The following OPCML variants were observed in gnomAD, a reference collection of about 807,000 sequenced individuals.
OPCML encodes opioid binding protein/cell adhesion molecule like.
Under a neutral mutation model 37.8 loss-of-function variants are expected in OPCML, and 13 were observed. The ratio of observed to expected loss-of-function variants is 0.34; its 90% CI spans 0.22 to 0.55. OPCML has a LOEUF of 0.55. Among genes scored for constraint, OPCML ranks in the 20% least tolerant of loss-of-function variants. The probability of loss-of-function intolerance (pLI) is 0.91; values close to 1 mark genes in which losing one functional copy is unlikely to be tolerated. For missense variants in OPCML, 341 were observed against 435.6 expected (o/e 0.78, Z 1.93); for synonymous variants, 176 against 168.8 (o/e 1.04, Z -0.33).
intron 1 of OPCML, among the ~76,000 whole-genome samples, chr11:133,514,212 G>T (rs1948216026): frequency 6.6e-6 from 1 of 152,198 alleles, no homozygotes; most frequent in Non-Finnish European, 1.5e-5. Flanking sequence ...ATGCAATGAG[G>T]AACCAGTACA....
At chr11:132,552,701 GGTATCGTTTCCT>G (rs1161892791) in intron 3 of OPCML, among the ~76,000 whole-genome samples, 1 of 150,092 alleles carries the variant, frequency 6.7e-6, no homozygotes, top group Non-Finnish European at 1.5e-5. Flanking sequence ...ACCTGTTTTA[GGTATCGTTTCCT>G]GTCTAAAGCA....
At chr11:133,528,067 G>T (rs1404358832) in intron 1 of OPCML, among the ~76,000 whole-genome samples, 1 of 152,184 alleles carries the variant, frequency 6.6e-6, no homozygotes, top group Admixed American at 6.5e-5. Context: ...TGTGGCCAAG[G>T]GTGCTAAGAA....
chr11:133,381,043 A>G (rs1034958814), intron 1 of OPCML, among the ~76,000 whole-genome samples: 2 of 152,224 alleles, frequency 1.3e-5, no homozygotes, highest in African/African-American at 4.8e-5. Context: ...TGCTACACCC[A>G]GAGTGTGGAG....
intron 7 of OPCML, among the ~76,000 whole-genome samples, chr11:132,428,024 C>T (rs547198549): frequency 2.6e-5 from 4 of 152,292 alleles, no homozygotes; most frequent in Non-Finnish European, 4.4e-5. Context: ...AAATCATACA[C>T]GTTATCAGCA....
chr11:133,104,415 AAT>A (rs1446870023), intron 1 of OPCML, among the ~76,000 whole-genome samples: 2 of 152,184 alleles, frequency 1.3e-5, no homozygotes, highest in Non-Finnish European at 1.5e-5. Flanking sequence ...ACTTACCCTA[AAT>A]TCATAGGGAC....
intron 4 of OPCML, among the ~76,000 whole-genome samples, chr11:132,527,309 T>C (rs1172505491): frequency 6.6e-6 from 1 of 152,160 alleles, no homozygotes; most frequent in Non-Finnish European, 1.5e-5. Flanking sequence ...AAATGTGAAA[T>C]TGTTTCCTAT....
chr11:132,779,585 T>G (rs1431145445), intron 2 of OPCML, among the ~76,000 whole-genome samples: 10 of 150,552 alleles, frequency 6.6e-5, no homozygotes, highest in Non-Finnish European at 8.9e-5. Flanking sequence ...GAGAGAGAGA[T>G]AGGTAAAAGA....
chr11:133,472,702 A>G (rs952292309), intron 1 of OPCML, among the ~76,000 whole-genome samples: 3 of 151,950 alleles, frequency 2.0e-5, no homozygotes. Context: ...TTGTCTTCCT[A>G]CTGCAAGGAA....
intron 1 of OPCML, among the ~76,000 whole-genome samples, chr11:132,977,610 A>G (rs1434487559): frequency 6.6e-6 from 1 of 152,106 alleles, no homozygotes; most frequent in Non-Finnish European, 1.5e-5. Context: ...CTGGTCCTTG[A>G]ATTGTATAAA....
intron 4 of OPCML, among the ~76,000 whole-genome samples, chr11:132,442,787 A>AT (rs2096040721): frequency 6.6e-6 from 1 of 152,156 alleles, no homozygotes; most frequent in African/African-American, 2.4e-5. Context: ...GCCTGCTGCC[A>AT]TGTAAGATGT....
intron 1 of OPCML, among the ~76,000 whole-genome samples, chr11:133,189,681 A>G (rs562084929): frequency 8.6e-4 from 131 of 152,256 alleles, no homozygotes; most frequent in African/African-American, 3.1e-3. Flanking sequence ...TCCCTCCTAA[A>G]TCATTGTATC....
intron 4 of OPCML, 173 bp from the exon 5 acceptor site, chr11:132,437,532 G>A: frequency 2.1e-6 from 2 of 955,146 alleles, no homozygotes; most frequent in Non-Finnish European, 2.5e-6. Context: ...GGCAAAGGAA[G>A]AAAGAAATTC....
intron 1 of OPCML, among the ~76,000 whole-genome samples, chr11:133,097,416 A>C (rs192254833): frequency 1.3e-5 from 2 of 152,362 alleles, no homozygotes; most frequent in East Asian, 3.9e-4. Flanking sequence ...GATTTCTAGA[A>C]GAATGATCTA....
In OPCML at chr11:132,448,570, G is replaced by T. The variant is rs1171760939; in HGVS notation, c.506-11211C>A. Among the ~76,000 whole-genome samples, 6 of 152,202 alleles carry T rather than the reference G, an allele frequency of 3.9e-5. No individual in the cohort carries two copies. In the East Asian group the frequency reaches 7.7e-4, roughly 20 times the overall value. ...AGGGGTCCCTTTGAAAACTTAGCTGGCAAGGGCTCTCCTCATCTGCACCTT... is the reference window on the plus strand; with the variant it reads ...AGGGGTCCCTTTGAAAACTTAGCTGTCAAGGGCTCTCCTCATCTGCACCTT... On this transcript the variant is annotated intron_variant, in intron 4 of 7. Transcript: ENST00000524381.
intron 1 of OPCML, among the ~76,000 whole-genome samples, chr11:133,356,657 A>G (rs889339324): frequency 2.6e-5 from 4 of 152,146 alleles, no homozygotes; most frequent in African/African-American, 9.7e-5. Flanking sequence ...GCAATCACCT[A>G]TAAATTAGCC....
chr11:132,618,955 ACACACACAC>A (rs1451253137), intron 3 of OPCML, among the ~76,000 whole-genome samples: 17 of 4,428 alleles, frequency 3.8e-3, no homozygotes, highest in Non-Finnish European at 5.9e-3. Context: ...GCACACGCAT[ACACACACAC>A]ACACACACAC....
In OPCML at chr11:133,255,608, C is replaced by G. The variant is rs560921576; in HGVS notation, c.61+276656G>C. The stretch of plus-strand genomic sequence containing the variant: ...ACAAAAATGAAGAAGAAAAACAAAA[C>G]TCTTGCAAATTAAAAAGAGGGGATT... On this transcript the variant is annotated intron_variant, in intron 1 of 7. Coordinates refer to ENST00000524381, the MANE Select transcript of OPCML (RefSeq NM_001012393.5). Among the ~76,000 whole-genome samples, 4 of 152,208 alleles carry G rather than the reference C, an allele frequency of 2.6e-5. No homozygotes were observed. The South Asian group carries it at 8.3e-4, about 32-fold the overall frequency.
chr11:132,884,991 CT>C (rs1943356511), intron 2 of OPCML, among the ~76,000 whole-genome samples: 1 of 152,182 alleles, frequency 6.6e-6, no homozygotes, highest in South Asian at 2.1e-4. Flanking sequence ...AGCTGTGCAG[CT>C]CTCTGGCTGA....
chr11:132,799,030 C>A (rs1183446030), intron 2 of OPCML, among the ~76,000 whole-genome samples: 2 of 151,928 alleles, frequency 1.3e-5, no homozygotes, highest in East Asian at 3.9e-4. Flanking sequence ...TAGCATAAAT[C>A]TTAAGGGTCC....
Sources: allele counts gnomAD v4.1 joint callset (sites outside exome capture counted in the v4.1 genomes callset), GRCh38; gene constraint gnomAD v4.1.1; transcripts MANE v1.5; gene names NCBI Gene and HGNC (gene_info 2026-07-23, HGNC 2026-07-21).